Variants in SLC25A13 observed in about 807,000 individuals in gnomAD.
The protein encoded by SLC25A13 is solute carrier family 25 member 13.
Under a neutral mutation model 85.5 loss-of-function variants are expected in SLC25A13, and 70 were observed. The ratio of observed to expected loss-of-function variants is 0.82; its 90% CI spans 0.68 to 1.00. The LOEUF is 1.00. SLC25A13 is among the 50% of genes least tolerant of loss of function. The pLI, the probability that SLC25A13 is intolerant of heterozygous loss-of-function variation, is 0.00. For synonymous variants in SLC25A13, 259 were observed against 288.7 expected (o/e 0.90, Z 1.04); for missense variants, 765 against 819.8 (o/e 0.93, Z 0.82).
intron 13 of SLC25A13, among the ~76,000 whole-genome samples, chr7:96,167,882 G>A (rs996280793): frequency 2.0e-5 from 3 of 151,972 alleles, no homozygotes; most frequent in African/African-American, 7.2e-5. Flanking sequence ...GGCGGATCAC[G>A]AGGTCAGGAG....
At chr7:96,172,177 C>A (rs1794031144) in intron 11 of SLC25A13, among the ~76,000 whole-genome samples, 1 of 152,210 alleles carries the variant, frequency 6.6e-6, no homozygotes. Flanking sequence ...TGAGAGGTCA[C>A]TAGCTTGAAT....
intron 3 of SLC25A13, among the ~76,000 whole-genome samples, chr7:96,265,142 G>A (rs985656763): frequency 1.3e-5 from 2 of 152,162 alleles, no homozygotes; most frequent in Non-Finnish European, 2.9e-5. Context: ...ATCTGAAACT[G>A]TATCAGTGAA....
chr7:96,240,886 G>A (rs1302210711), intron 3 of SLC25A13, among the ~76,000 whole-genome samples: 1 of 148,934 alleles, frequency 6.7e-6, no homozygotes, highest in Non-Finnish European at 1.5e-5. Flanking sequence ...TAATCTGACA[G>A]AGGAGTGTTA....
At chr7:96,301,004 G>A (rs1799529296) in intron 1 of SLC25A13, among the ~76,000 whole-genome samples, 1 of 152,184 alleles carries the variant, frequency 6.6e-6, no homozygotes, top group Admixed American at 6.5e-5. Flanking sequence ...TGAAGACAAT[G>A]CAAAGTTACC....
intron 14 of SLC25A13, among the ~76,000 whole-genome samples, chr7:96,134,793 T>TTTTATATATATATATATATATATA (rs940988441): frequency 1.6e-4 from 16 of 102,250 alleles, no homozygotes; most frequent in African/African-American, 6.5e-4. Flanking sequence ...ACAAACAATT[T>TTTTATATATATATATATATATATA]TATATATATA....
chr7:96,311,439 C>G (rs1799944719), intron 1 of SLC25A13, among the ~76,000 whole-genome samples: 1 of 152,116 alleles, frequency 6.6e-6, no homozygotes, highest in East Asian at 1.9e-4. Flanking sequence ...TGAGGCCAAG[C>G]AACACCACAA....
intron 1 of SLC25A13, among the ~76,000 whole-genome samples, chr7:96,298,909 C>CA (rs11463872): frequency 0.61 from 92,272 of 151,778 alleles, 28,699 homozygotes; most frequent in Non-Finnish European, 0.67. Context: ...GTAGGACGAA[C>CA]ACAAGAGAAG....
rs1792815009 is a variant in SLC25A13 at position 96,146,696 on chromosome 7, C to A, written c.1312G>T (p.Ala438Ser). Residue 438 changes from alanine to serine, a missense_variant and splice_region_variant, in exon 14 of 18, where the codon GCT becomes TCT. By Grantham distance (99) the Ala-to-Ser change is moderately conservative. Transcript: ENST00000265631. ...LAAEILAGGC[A>S]GGSQVIFTNP... ...GTGAAAATCACCTGGGAGCCTCCAGCCTAAAAAGAACAAAAAAGATTTAGG... is the reference window on the plus strand; with the variant it reads ...GTGAAAATCACCTGGGAGCCTCCAGACTAAAAAGAACAAAAAAGATTTAGG... 6.2e-7 allele frequency: 1 copy of A among 1,613,694 alleles called. No homozygotes were observed. Among genetic ancestry groups the A allele is most frequent in the Non-Finnish European group, 8.5e-7 (1 of 1,179,940 alleles).
chr7:96,201,537 C>CTA (rs956464424), intron 5 of SLC25A13, among the ~76,000 whole-genome samples: 2 of 149,440 alleles, frequency 1.3e-5, no homozygotes, highest in Admixed American at 1.3e-4. Flanking sequence ...AATTCATGGT[C>CTA]TAGATACTTT....
chr7:96,133,287 T>G (rs1792113837), intron 14 of SLC25A13, among the ~76,000 whole-genome samples: 1 of 152,204 alleles, frequency 6.6e-6, no homozygotes, highest in South Asian at 2.1e-4. Flanking sequence ...TTCTGTATCT[T>G]GTCCACCCCC....
chr7:96,201,665 G>A (rs930906902), intron 5 of SLC25A13, among the ~76,000 whole-genome samples: 1 of 152,084 alleles, frequency 6.6e-6, no homozygotes, highest in Admixed American at 6.5e-5. Flanking sequence ...AAAGAATTAC[G>A]GCTTCAGCCA....
intron 15 of SLC25A13, among the ~76,000 whole-genome samples, chr7:96,128,935 GCTTGCTCT>G (rs1234037857): frequency 1.0e-4 from 5 of 49,478 alleles, no homozygotes; most frequent in Non-Finnish European, 2.5e-4. Flanking sequence ...CTTCTGCCTT[GCTTGCTCT>G]CTCTCTCTCT....
intron 4 of SLC25A13, among the ~76,000 whole-genome samples, chr7:96,234,360 T>C (rs1796665507): frequency 6.6e-6 from 1 of 152,176 alleles, no homozygotes; most frequent in South Asian, 2.1e-4. Flanking sequence ...ACCACCATCT[T>C]GTGCAGCAGC....
intron 11 of SLC25A13, 40 bp downstream of exon 11, chr7:96,184,235 AGT>A (rs1199376429): frequency 6.2e-7 from 1 of 1,611,448 alleles, no homozygotes; most frequent in South Asian, 1.1e-5. Context: ...CAAACCTTTG[AGT>A]GTTATTTCAC....
At chr7:96,302,101 T>C (rs1799568089) in intron 1 of SLC25A13, among the ~76,000 whole-genome samples, 1 of 152,218 alleles carries the variant, frequency 6.6e-6, no homozygotes, top group Non-Finnish European at 1.5e-5. Flanking sequence ...TTTGACAAGA[T>C]AAACACTGGT....
chr7:96,121,931 C>T lies in SLC25A13; in HGVS notation c.1658G>A (p.Arg553Gln), dbSNP rs201283753. The change falls in exon 16 of 18, where the codon CGG becomes CAG. Residue 553 changes from arginine (R) to glutamine (Q), a missense_variant. Arg to Gln is a conservative substitution (Grantham distance 43, BLOSUM62 1). Transcript: ENST00000265631. ...VIKTRLQVAA[R>Q]AGQTTYSGVI... ...TCCGCTGTAAGTGGTTTGGCCAGCC[C>T]GGGCAGCCACCTGTAATCTCGTCTT... 5.3e-5 allele frequency: 85 copies of T among 1,614,116 alleles called. No individual in the cohort carries two copies. The East Asian group carries it at 1.5e-3, about 29-fold the overall frequency.
chr7:96,135,053 G>A (rs1792216776), intron 14 of SLC25A13, among the ~76,000 whole-genome samples: 2 of 152,028 alleles, frequency 1.3e-5, no homozygotes, highest in South Asian at 4.2e-4. Context: ...GCCATGTGAT[G>A]AGCACCTGTA....
chr7:96,282,914 A>G (rs1798741104), intron 2 of SLC25A13, among the ~76,000 whole-genome samples: 1 of 152,206 alleles, frequency 6.6e-6, no homozygotes, highest in African/African-American at 2.4e-5. Flanking sequence ...TTTTCAACCA[A>G]CAGATTGGCA....
rs556156336 is a variant in SLC25A13, at chr7:96,321,814, G to A, written c.15+128C>T. Reference sequence around the variant, plus strand: ...CCCTCCCTCCAGCAGCCGCAAGGTGGAACGGCTGCCCGGCACCCCATTTTG... The same window carrying A: ...CCCTCCCTCCAGCAGCCGCAAGGTGAAACGGCTGCCCGGCACCCCATTTTG... On this transcript the variant is annotated intron_variant, in intron 1 of 17. Coordinates refer to ENST00000265631, the MANE Select transcript of SLC25A13 (RefSeq NM_014251.3). The A allele has an allele frequency of 2.0e-3, 2,451 of 1,233,412 alleles. 3 individuals are homozygous for A. The highest frequency in any genetic ancestry group is 2.5e-3 in the Non-Finnish European group (2,302 of 922,430). The allele number at this position is 1,233,412 out of a possible 1,614,324, so 76.4% of individuals were successfully genotyped here. A position where few individuals can be genotyped will look rare whatever the true frequency, so the allele number is the denominator to read the frequency against.
Sources: gnomAD v4.1 joint callset for allele counts (sites outside exome capture counted in the v4.1 genomes callset) on GRCh38, gnomAD v4.1.1 for gene constraint, MANE v1.5 for transcripts, NCBI Gene and HGNC (gene_info 2026-07-23, HGNC 2026-07-21) for gene names.